NBEA: variants seen among roughly 807,000 people sequenced by gnomAD.
NBEA encodes the protein neurobeachin, also known as lysosomal-trafficking regulator 2.
NBEA carries 44 observed loss-of-function variants against 343.4 expected under a neutral mutation model. The ratio of observed to expected loss-of-function variants is 0.13; its 90% CI spans 0.10 to 0.16. The LOEUF (loss-of-function observed/expected upper bound fraction) is 0.16, where lower values mean the gene tolerates loss of function less well. Ranked by LOEUF, NBEA falls within the 10% of genes least tolerant of loss-of-function variation. NBEA has a pLI of 1.00. For missense variants in NBEA, 2,555 were observed against 3,631.3 expected (o/e 0.70, Z 7.62); for synonymous variants, 1,175 against 1,238.7 (o/e 0.95, Z 1.08).
intron 1 of NBEA, among the ~76,000 whole-genome samples, chr13:34,976,659 T>TG (rs2060186855): frequency 6.6e-6 from 1 of 150,556 alleles, no homozygotes; most frequent in Admixed American, 6.6e-5. Context: ...TTTTTGTTTT[T>TG]TTTTTTTTTT....
At chr13:35,214,324 T>C (rs965704905) in intron 33 of NBEA, among the ~76,000 whole-genome samples, 1 of 151,968 alleles carries the variant, frequency 6.6e-6, no homozygotes, top group African/African-American at 2.4e-5. Context: ...ACTGCTGAGC[T>C]GTTGTGCAAA....
intron 38 of NBEA, among the ~76,000 whole-genome samples, chr13:35,391,737 A>G (rs1225988379): frequency 1.3e-5 from 2 of 152,204 alleles, no homozygotes; most frequent in African/African-American, 4.8e-5. Context: ...CTTGATTCTT[A>G]TGAGCACTAC....
intron 1 of NBEA, among the ~76,000 whole-genome samples, chr13:35,027,672 T>C (rs2062062881): frequency 6.6e-6 from 1 of 151,942 alleles, no homozygotes; most frequent in South Asian, 2.1e-4. Context: ...AGAGCAAAAG[T>C]TTTTATTTTT....
At chr13:35,095,310 T>C (rs191867508) in intron 10 of NBEA, among the ~76,000 whole-genome samples, 103 of 150,852 alleles carry the variant, frequency 6.8e-4, no homozygotes, top group African/African-American at 2.4e-3. Flanking sequence ...TAATGGAATA[T>C]AAATATATAT....
chr13:35,465,504 C>G (rs1415803110), intron 40 of NBEA, among the ~76,000 whole-genome samples: 1 of 152,166 alleles, frequency 6.6e-6, no homozygotes, highest in African/African-American at 2.4e-5. Flanking sequence ...ATTCACTCCT[C>G]TAGTCTAGTA....
At chr13:35,140,310 G>A (rs1343128357) in intron 17 of NBEA, among the ~76,000 whole-genome samples, 4 of 152,006 alleles carry the variant, frequency 2.6e-5, no homozygotes, top group Non-Finnish European at 4.4e-5. Flanking sequence ...CACTGAGCTG[G>A]CCTTTAGATA....
At chr13:35,648,017 G>A (rs751069171) in intron 51 of NBEA, among the ~76,000 whole-genome samples, 83 of 151,746 alleles carry the variant, frequency 5.5e-4, no homozygotes, top group Non-Finnish European at 1.0e-3. Context: ...CTGGGACTAC[G>A]GGTGTGTGCC....
intron 4 of NBEA, 59 bp downstream of exon 4, chr13:35,045,460 AGGTTT>A (rs2062815179): frequency 2.3e-6 from 3 of 1,320,158 alleles, no homozygotes; most frequent in Non-Finnish European, 3.1e-6. Flanking sequence ...ACCTTTAGTA[AGGTTT>A]AACTTACATA....
chr13:34,971,144 G>A (rs1566105471), intron 1 of NBEA, among the ~76,000 whole-genome samples: 1 of 151,812 alleles, frequency 6.6e-6, no homozygotes, highest in Non-Finnish European at 1.5e-5. Flanking sequence ...GCAATTGTGA[G>A]TGGGAGTTTG....
rs532103247 is a variant in NBEA, at chr13:35,581,101, G to A, written c.7036-2797G>A. ...ATTAGCATATTCACGACAGAACAAAGTATTAAACATTTTCAGTGCTTTGAA... is the reference window on the plus strand; with the variant it reads ...ATTAGCATATTCACGACAGAACAAAATATTAAACATTTTCAGTGCTTTGAA... On this transcript the variant is annotated intron_variant, in intron 45 of 58. Transcript: ENST00000379939. 2.0e-5 allele frequency among the ~76,000 whole-genome samples: 3 copies of A among 152,284 alleles called. No individual in the cohort carries two copies. In the East Asian group the frequency reaches 5.8e-4, roughly 29 times the overall value.
chr13:35,440,585 A>G (rs1016792802), intron 39 of NBEA, among the ~76,000 whole-genome samples: 2 of 152,204 alleles, frequency 1.3e-5, no homozygotes, highest in African/African-American at 4.8e-5. Flanking sequence ...ATAATACAAC[A>G]TAATGTATTC....
At chr13:35,550,805 A>G (rs1041658503) in intron 42 of NBEA, 125 bp from the exon 43 acceptor site, 3 of 673,728 alleles carry the variant, frequency 4.5e-6, no homozygotes, top group Non-Finnish European at 7.5e-6. Flanking sequence ...CTGAAAGCTG[A>G]TTTTTCATGA....
At chr13:35,438,841 C>T (rs1410128338) in intron 39 of NBEA, among the ~76,000 whole-genome samples, 1 of 152,110 alleles carries the variant, frequency 6.6e-6, no homozygotes, top group Non-Finnish European at 1.5e-5. Flanking sequence ...GGCTAAGTTA[C>T]AAAATATTCT....
chr13:35,302,441 A>C (rs148140199), intron 35 of NBEA, among the ~76,000 whole-genome samples: 1 of 152,182 alleles, frequency 6.6e-6, no homozygotes, highest in African/African-American at 2.4e-5. Flanking sequence ...AAATTATGCA[A>C]ATAGTTGCAA....
At chr13:35,508,517 A>T (rs953565773) in intron 41 of NBEA, among the ~76,000 whole-genome samples, 1 of 152,312 alleles carries the variant, frequency 6.6e-6, no homozygotes, top group East Asian at 1.9e-4. Flanking sequence ...TGAAAAAAAC[A>T]GAAATTGATA....
intron 34 of NBEA, among the ~76,000 whole-genome samples, chr13:35,286,190 G>C (rs2035412425): frequency 6.6e-6 from 1 of 151,964 alleles, no homozygotes; most frequent in African/African-American, 2.4e-5. Context: ...TACCTGCCAT[G>C]GTGTCAGGCA....
At chr13:35,101,052 C>G (rs9543329) in intron 11 of NBEA, among the ~76,000 whole-genome samples, 2 of 151,836 alleles carry the variant, frequency 1.3e-5, no homozygotes, top group Non-Finnish European at 3.0e-5. Flanking sequence ...TTTTTTACAG[C>G]TAAATAGTAT....
chr13:35,263,923 T>C (rs1293580427), intron 34 of NBEA, among the ~76,000 whole-genome samples: 1 of 146,896 alleles, frequency 6.8e-6, no homozygotes, highest in East Asian at 2.0e-4. Flanking sequence ...ATAATAAAGA[T>C]CCGAGCAGAA....
In NBEA at chr13:35,046,930, C is replaced by T. The variant is rs553264563; in HGVS notation, c.723+1529C>T. 1.2e-4 allele frequency among the ~76,000 whole-genome samples: 19 copies of T among 152,024 alleles called. No homozygotes were observed. The South Asian group carries it at 3.9e-3, about 32-fold the overall frequency. On this transcript the variant is annotated intron_variant, in intron 4 of 58. Transcript: ENST00000379939. ...ATGTGTTTATTGGCCATTCTTATGT[C>T]TTCATTTGTGATGTTTCTGTTCACA...
Sources: allele counts gnomAD v4.1 joint callset (sites outside exome capture counted in the v4.1 genomes callset), GRCh38; gene constraint gnomAD v4.1.1; transcripts MANE v1.5; gene names NCBI Gene and HGNC (gene_info 2026-07-23, HGNC 2026-07-21).